Variants in CA5B observed in about 807,000 individuals in gnomAD.
CA5B encodes the protein carbonic anhydrase 5B, also known as carbonic anhydrase 5B, mitochondrial.
In CA5B, 15 loss-of-function variants were observed where a neutral mutation model predicts 23.1. That is an observed-to-expected ratio of 0.65 (90% CI 0.43 to 1.00). The LOEUF (loss-of-function observed/expected upper bound fraction) is 1.00. CA5B is among the 50% of genes least tolerant of loss of function. CA5B has a pLI of 0.00. For synonymous variants in CA5B, 84 were observed against 98.5 expected (o/e 0.85, Z 0.87); for missense variants, 236 against 252.2 (o/e 0.94, Z 0.43).
intron 2 of CA5B, among the ~76,000 whole-genome samples, chrX:15,763,507 G>A (rs1931645529): frequency 8.9e-6 from 1 of 112,147 alleles, no homozygotes; most frequent in Non-Finnish European, 1.9e-5. Flanking sequence ...AGCAGACTGA[G>A]ATGTGTTGGT....
intron 2 of CA5B, among the ~76,000 whole-genome samples, chrX:15,753,059 A>G (rs1299234642): frequency 1.8e-5 from 2 of 111,440 alleles, no homozygotes; most frequent in Non-Finnish European, 3.8e-5. Flanking sequence ...TCTTAAATGT[A>G]TTTGATTGAT....
intron 2 of CA5B, 92 bp from the exon 3 acceptor site, chrX:15,764,486 C>T (rs1018580315): frequency 5.2e-6 from 6 of 1,157,023 alleles, no homozygotes; most frequent in South Asian, 2.0e-5. Context: ...GTGATCCACC[C>T]GCCTTGGCCT....
intron 1 of CA5B, among the ~76,000 whole-genome samples, chrX:15,749,422 A>G (rs895339101): frequency 8.9e-6 from 1 of 112,163 alleles, no homozygotes; most frequent in African/African-American, 3.2e-5. Flanking sequence ...AGAGTCATAG[A>G]TTATATTTAA....
chrX:15,748,702 G>A (rs1480239585), intron 1 of CA5B, among the ~76,000 whole-genome samples: 1 of 82,163 alleles, frequency 1.2e-5, no homozygotes, highest in African/African-American at 4.3e-5. Flanking sequence ...AGGTAATATA[G>A]TGAGAACCCC....
At chrX:15,782,157 G>A (rs1397133699) in intron 7 of CA5B, among the ~76,000 whole-genome samples, 2 of 111,762 alleles carry the variant, frequency 1.8e-5, no homozygotes, top group African/African-American at 6.5e-5. Context: ...AAGTTCTTGA[G>A]AATGAAAGAG....
chrX:15,764,368 A>G (rs1246937022), intron 2 of CA5B, among the ~76,000 whole-genome samples: 2 of 109,891 alleles, frequency 1.8e-5, no homozygotes, highest in African/African-American at 6.7e-5. Flanking sequence ...CTTCCCCGGT[A>G]GCTAGGACTA....
At chrX:15,756,418 C>G (rs1186997314) in intron 2 of CA5B, among the ~76,000 whole-genome samples, 1 of 112,524 alleles carries the variant, frequency 8.9e-6, no homozygotes, top group Non-Finnish European at 1.9e-5. Context: ...TTGACACAGG[C>G]CCTTTGGGCA....
At chrX:15,773,829 C>T (rs1931869160) in intron 4 of CA5B, among the ~76,000 whole-genome samples, 2 of 111,744 alleles carry the variant, frequency 1.8e-5, no homozygotes, top group Non-Finnish European at 3.8e-5. Context: ...GCTGAGATTA[C>T]AGGTGTGAGC....
chrX:15,762,152 C>A (rs1262541585), intron 2 of CA5B, among the ~76,000 whole-genome samples: 1 of 109,485 alleles, frequency 9.1e-6, no homozygotes, highest in Non-Finnish European at 1.9e-5. Flanking sequence ...CGCCTGTAAT[C>A]CCAGTTACTC....
chrX:15,747,817 C>T (rs1000224946), intron 1 of CA5B, among the ~76,000 whole-genome samples: 55 of 111,016 alleles, frequency 5.0e-4, no homozygotes, highest in African/African-American at 1.7e-3. Context: ...ACCCTGGGTT[C>T]GGTGTCTCAC....
chrX:15,752,805 C>A (rs1031231769), intron 2 of CA5B, among the ~76,000 whole-genome samples: 1 of 110,836 alleles, frequency 9.0e-6, no homozygotes, highest in Non-Finnish European at 1.9e-5. Flanking sequence ...TAACTAAGAT[C>A]TGAATAGGAA....
intron 2 of CA5B, among the ~76,000 whole-genome samples, chrX:15,752,702 G>A (rs760814145): frequency 9.5e-4 from 99 of 104,731 alleles, no homozygotes; most frequent in African/African-American, 3.3e-3. Context: ...TCCAGCCTGG[G>A]CGACAGAGCG....
Position 15,779,304 on chromosome X carries a change from C to A in CA5B, c.774+2435C>A, listed in dbSNP as rs138288602. 2.7e-5 allele frequency among the ~76,000 whole-genome samples: 3 copies of A among 111,487 alleles called. No homozygotes were observed. In the East Asian group the frequency reaches 8.5e-4, roughly 32 times the overall value. ...CTCTGCCTTTTTGTTCTATTCAGAC[C>A]CTCAGTTTATTGGATGACTCCCATC... On this transcript the variant is annotated intron_variant, in intron 7 of 7. Transcript: ENST00000318636.
intron 1 of CA5B, among the ~76,000 whole-genome samples, chrX:15,747,804 A>G (rs1283383758): frequency 9.0e-6 from 1 of 111,269 alleles, no homozygotes; most frequent in Non-Finnish European, 1.9e-5. Flanking sequence ...TTCTGGGGTA[A>G]ATACCCTGGG....
In CA5B at chrX:15,785,189, C is replaced by T. The variant is rs1208337258; in HGVS notation, c.*2525C>T. The T allele has an allele frequency of 1.9e-4, 21 of 111,930 alleles. No homozygotes were observed. The highest frequency in any genetic ancestry group is 1.8e-3 in the Admixed American group (19 of 10,496). The allele number at this position is 111,930 out of a possible 1,213,427, so 9.2% of individuals were successfully genotyped here. A position where few individuals can be genotyped will look rare whatever the true frequency, so the allele number is the denominator to read the frequency against. ...ATTACCATAAGAATTACCACCAAAGCGGGATCTCAAAGAGATATTTGTACA... is the reference window on the plus strand; with the variant it reads ...ATTACCATAAGAATTACCACCAAAGTGGGATCTCAAAGAGATATTTGTACA... On this transcript the variant is annotated 3_prime_UTR_variant, in exon 8 of 8. Transcript: ENST00000318636.
chrX:15,782,639 C>T lies in CA5B; in HGVS notation c.929C>T (p.Pro310Leu), dbSNP rs772685438. Residue 310 changes from proline (P) to leucine (L), a missense_variant, in exon 8 of 8, where the codon CCG (proline) becomes CTG (leucine). Pro to Leu is a moderately conservative substitution (Grantham distance 98, BLOSUM62 -3). Transcript: ENST00000318636. ...YVLNVQAKPK[P>L]ATSQATP ...CTGAATGTACAAGCGAAACCCAAGC[C>T]GGCCACCAGCCAAGCAACCCCCTAA... The T allele has an allele frequency of 7.5e-6, 9 of 1,194,938 alleles. No individual in the cohort carries two copies. Among genetic ancestry groups the T allele is most frequent in the African/African-American group, 5.3e-5 (3 of 56,555 alleles).
intron 2 of CA5B, among the ~76,000 whole-genome samples, chrX:15,751,165 A>G (rs1047665569): frequency 8.9e-6 from 1 of 112,292 alleles, no homozygotes; most frequent in African/African-American, 3.2e-5. Context: ...TTTAAAAAAC[A>G]TTGGCACAGA....
At chrX:15,772,646 T>C in intron 4 of CA5B, 32 bp downstream of exon 4, 1 of 834,334 alleles carries the variant, frequency 1.2e-6, no homozygotes, top group Non-Finnish European at 1.7e-6. Flanking sequence ...CAGTGACAAC[T>C]GTAGAGAAGT....
intron 2 of CA5B, among the ~76,000 whole-genome samples, chrX:15,753,915 A>G (rs1931437610): frequency 8.9e-6 from 1 of 112,431 alleles, no homozygotes; most frequent in Non-Finnish European, 1.9e-5. Flanking sequence ...TCTCCCAAAA[A>G]ATAAATAAAT....
Sources: allele counts gnomAD v4.1 joint callset (sites outside exome capture counted in the v4.1 genomes callset), GRCh38; gene constraint gnomAD v4.1.1; transcripts MANE v1.5; gene names NCBI Gene and HGNC (gene_info 2026-07-23, HGNC 2026-07-21).